TACC2: variants seen among roughly 807,000 people sequenced by gnomAD.
TACC2 encodes transforming acidic coiled-coil containing protein 2.
In TACC2, 137 loss-of-function variants were observed where a neutral mutation model predicts 227.3. The observed-to-expected ratio is 0.60, with a 90% CI of 0.52 to 0.69. The LOEUF is 0.69. Ranked by LOEUF, TACC2 falls within the 30% of genes least tolerant of loss-of-function variation. TACC2 has a pLI of 0.00. For synonymous variants in TACC2, 1,523 were observed against 1,487.5 expected, an observed-to-expected ratio of 1.02 and a Z score of -0.55; for missense variants, 3,470 against 3,694.4, an observed-to-expected ratio of 0.94 and a Z score of 1.57.
chr10:122,138,442 G>A (rs988159121), intron 6 of TACC2, among the ~76,000 whole-genome samples: 28 of 152,128 alleles, frequency 1.8e-4, no homozygotes, highest in African/African-American at 3.9e-4. Flanking sequence ...CCTGGGAGGC[G>A]GAAATTGCAG....
intron 1 of TACC2, among the ~76,000 whole-genome samples, chr10:122,014,302 C>T (rs12773914): frequency 0.24 from 36,790 of 151,426 alleles, 4,563 homozygotes; most frequent in South Asian, 0.44. Context: ...CTCCGCCTAG[C>T]GAGTTCAAGC....
intron 1 of TACC2, among the ~76,000 whole-genome samples, chr10:121,997,824 T>C (rs1953738920): frequency 6.6e-6 from 1 of 151,988 alleles, no homozygotes; most frequent in African/African-American, 2.4e-5. Flanking sequence ...GGAGCATTGG[T>C]CAGTAGAAAA....
At chr10:122,107,801 C>T (rs568613654) in intron 5 of TACC2, among the ~76,000 whole-genome samples, 48 of 149,962 alleles carry the variant, frequency 3.2e-4, no homozygotes, top group African/African-American at 1.0e-3. Flanking sequence ...ACACCGTACC[C>T]AGTGTGTAGT....
At chr10:122,032,890 C>T (rs1176750630) in intron 2 of TACC2, among the ~76,000 whole-genome samples, 1 of 151,972 alleles carries the variant, frequency 6.6e-6, no homozygotes, top group Non-Finnish European at 1.5e-5. Context: ...ACCTGGCAGG[C>T]GCAGTTTGTA....
At chr10:122,009,460 T>C (rs1293623046) in intron 1 of TACC2, among the ~76,000 whole-genome samples, 1 of 151,678 alleles carries the variant, frequency 6.6e-6, no homozygotes, top group Non-Finnish European at 1.5e-5. Context: ...GCAGAGATCG[T>C]GCCACTGCAT....
rs570379150 is a variant in TACC2 at position 122,150,806 on chromosome 10, G to A, written c.5834+7100G>A. Among the ~76,000 whole-genome samples, 36 of 152,328 alleles carry A rather than the reference G, an allele frequency of 2.4e-4. No individual in the cohort carries two copies. On this transcript the variant is annotated intron_variant, in intron 7 of 22. Coordinates refer to ENST00000369005, the MANE Select transcript of TACC2 (RefSeq NM_206862.4). This position sits in a 1 kb window ranked among gnomAD's most constrained non-coding sequence, Gnocchi z 4.0. ...CTAGGTGGAGTCATGCAGCGTTCCT[G>A]GGTCCTTTCTTCTGCTTTGTTTGCA...
At chr10:122,173,495 G>C (rs917665584) in intron 7 of TACC2, among the ~76,000 whole-genome samples, 1 of 152,224 alleles carries the variant, frequency 6.6e-6, no homozygotes, top group Non-Finnish European at 1.5e-5. Context: ...CTGCTCCTGG[G>C]CAACTTCCAG....
At position 122,084,548 on chromosome 10, in the gene TACC2, C is replaced by G. The variant is rs1467133093; in HGVS notation, c.2048C>G (p.Pro683Arg). The G allele has an allele frequency of 1.2e-6, 2 of 1,613,706 alleles. No homozygotes were observed. Among genetic ancestry groups the G allele is most frequent in the East Asian group, 2.2e-5 (1 of 44,870 alleles). Residue 683 changes from proline to arginine, a missense_variant, in exon 4 of 23, where the codon CCC becomes CGC. This residue lies in a region of TACC2 where 1,924 missense variants were observed against 1,978.3 expected (regional missense o/e 0.97). Transcript: ENST00000369005. ...VPDGAGEPTV[P>R]EGAIWEGSGL... ...GATGGAGCTGGTGAGCCCACTGTTCCCGAAGGAGCCATCTGGGAGGGGTCA... is the reference window on the plus strand; with the variant it reads ...GATGGAGCTGGTGAGCCCACTGTTCGCGAAGGAGCCATCTGGGAGGGGTCA...
chr10:122,225,247 T>C (rs1245250788), intron 12 of TACC2, among the ~76,000 whole-genome samples: 2 of 152,342 alleles, frequency 1.3e-5, no homozygotes, highest in East Asian at 3.9e-4. Context: ...CTAGGGCATG[T>C]TATTCCAAGG....
chr10:122,016,412 C>T (rs771008287), intron 1 of TACC2, among the ~76,000 whole-genome samples: 1 of 151,808 alleles, frequency 6.6e-6, no homozygotes, highest in African/African-American at 2.4e-5. Context: ...ACTAAAACTA[C>T]GAAAATTAGC....
intron 1 of TACC2, chr10:122,019,921 C>T (rs1432949598): frequency 1.3e-5 from 2 of 152,190 alleles, no homozygotes; most frequent in Admixed American, 1.3e-4. Flanking sequence ...TCGGTTCTGT[C>T]TTGGGAAAGC....
chr10:122,158,405 AC>A (rs2092622186), intron 7 of TACC2, among the ~76,000 whole-genome samples: 1 of 151,802 alleles, frequency 6.6e-6, no homozygotes, highest in South Asian at 2.1e-4. Flanking sequence ...AAAAAAAAAA[AC>A]AAAAACAAAA....
chr10:122,107,370 C>G (rs2082935847), intron 5 of TACC2, among the ~76,000 whole-genome samples: 1 of 152,050 alleles, frequency 6.6e-6, no homozygotes, highest in Non-Finnish European at 1.5e-5. Context: ...AGGTGGATCA[C>G]TTGAGGTCAG....
chr10:122,148,596 G>C (rs901577463), intron 7 of TACC2, among the ~76,000 whole-genome samples: 1 of 152,272 alleles, frequency 6.6e-6, no homozygotes, highest in Admixed American at 6.5e-5. Flanking sequence ...CAGCGAGGCA[G>C]TGAGACCTGG....
At chr10:122,139,528 T>C (rs1592498213) in intron 6 of TACC2, among the ~76,000 whole-genome samples, 2 of 152,242 alleles carry the variant, frequency 1.3e-5, no homozygotes, top group South Asian at 4.1e-4. Flanking sequence ...TCTCATTTTA[T>C]CAAGTCCCAG....
At chr10:122,135,133 A>G (rs190712932) in intron 6 of TACC2, among the ~76,000 whole-genome samples, 1 of 152,234 alleles carries the variant, frequency 6.6e-6, no homozygotes, top group Admixed American at 6.5e-5. Flanking sequence ...TCCAGTACAC[A>G]TAGCTAGTAA....
At chr10:122,219,148 C>T (rs375014294) in intron 11 of TACC2, among the ~76,000 whole-genome samples, 8 of 152,212 alleles carry the variant, frequency 5.3e-5, no homozygotes, top group East Asian at 1.9e-4. Context: ...AGCCTGTTCC[C>T]GGAACACCCC....
At position 122,181,336 on chromosome 10, in the gene TACC2, T is replaced by C. The variant is rs560458813; in HGVS notation, c.5835-13704T>C. ...ATGAATCATTGGTACAGCTGTCCCC[T>C]GGCTACTGGGAGCATGGCCGTGCTT... is the stretch of plus-strand genomic sequence containing the variant. On this transcript the variant is annotated intron_variant, in intron 7 of 22. Transcript: ENST00000369005. 2.0e-5 allele frequency among the ~76,000 whole-genome samples: 3 copies of C among 152,306 alleles called. No individual in the cohort carries two copies. In the East Asian group the frequency reaches 5.8e-4, roughly 29 times the overall value.
chr10:122,229,748 C>CT, intron 15 of TACC2, among the ~76,000 whole-genome samples: 2 of 152,138 alleles, frequency 1.3e-5, no homozygotes, highest in Non-Finnish European at 2.9e-5. Flanking sequence ...TATTTAGAAG[C>CT]ATTGATAGCC....
Sources: gnomAD v4.1 joint callset for allele counts (sites outside exome capture counted in the v4.1 genomes callset) on GRCh38, gnomAD v4.1.1 for gene constraint, gnomAD v4.1.1 regional missense constraint, Gnocchi (gnomAD v3.1) non-coding constraint, MANE v1.5 for transcripts, NCBI Gene and HGNC (gene_info 2026-07-23, HGNC 2026-07-21) for gene names.